GAS7: variants seen among roughly 807,000 people sequenced by gnomAD.
GAS7 encodes growth arrest-specific protein 7.
Under a neutral mutation model 71.1 loss-of-function variants are expected in GAS7, and 28 were observed. The observed-to-expected ratio is 0.39, with a 90% CI of 0.29 to 0.54. GAS7 has a LOEUF of 0.54. Among genes scored for constraint, GAS7 ranks in the 20% least tolerant of loss-of-function variants. The pLI is 0.62. For synonymous variants in GAS7, 258 were observed against 245.8 expected, an observed-to-expected ratio of 1.05 and a Z score of -0.46; for missense variants, 436 against 627.8, an observed-to-expected ratio of 0.69 and a Z score of 3.27.
intron 3 of GAS7, among the ~76,000 whole-genome samples, chr17:9,971,059 T>C (rs2069940409): frequency 6.6e-6 from 1 of 152,012 alleles, no homozygotes. Context: ...AAAGCGATAA[T>C]AGCAAAAGTT....
At chr17:10,009,047 G>A (rs1278642751) in intron 2 of GAS7, among the ~76,000 whole-genome samples, 2 of 152,046 alleles carry the variant, frequency 1.3e-5, no homozygotes, top group Non-Finnish European at 2.9e-5. Context: ...GGGGCCGGGC[G>A]CGGTGGCTCA....
chr17:10,141,175 C>A (rs931042852), intron 1 of GAS7, among the ~76,000 whole-genome samples: 1 of 152,192 alleles, frequency 6.6e-6, no homozygotes, highest in Non-Finnish European at 1.5e-5. Flanking sequence ...AGGGGCCGGG[C>A]GCGGTGGCTC....
intron 1 of GAS7, among the ~76,000 whole-genome samples, chr17:10,123,402 T>G (rs2142078706): frequency 6.6e-6 from 1 of 152,222 alleles, no homozygotes; most frequent in Non-Finnish European, 1.5e-5. Flanking sequence ...AGCCCTACCC[T>G]AGAATCTGAA....
intron 3 of GAS7, among the ~76,000 whole-genome samples, chr17:9,980,012 G>A (rs888764426): frequency 2.0e-5 from 3 of 152,108 alleles, no homozygotes; most frequent in Non-Finnish European, 4.4e-5. Context: ...TAGGAAATCC[G>A]TCACAGCTGC....
chr17:10,003,572 G>A (rs369866070), intron 2 of GAS7, among the ~76,000 whole-genome samples: 1 of 152,108 alleles, frequency 6.6e-6, no homozygotes, highest in Non-Finnish European at 1.5e-5. Flanking sequence ...CTTGGCTTTC[G>A]ACTGACCTCA....
rs1179359478 is a variant in GAS7, at chr17:9,916,074, A to G, written c.*1154T>C. On this transcript the variant is annotated 3_prime_UTR_variant, in exon 14 of 14. Coordinates refer to ENST00000432992, the MANE Select transcript of GAS7 (RefSeq NM_201433.2). ...GGCGGGACACTGCCTGAAAGGCGAC[A>G]ACCTAGTGTGGCCACAAGAGAGTCT... The G allele has an allele frequency of 4.3e-6, 1 of 233,082 alleles. No homozygotes were observed. Among genetic ancestry groups the G allele is most frequent in the Admixed American group, 5.6e-5 (1 of 17,782 alleles). 14.4% of individuals were successfully genotyped at this position (233,082 alleles called of 1,614,324 possible).
intron 2 of GAS7, among the ~76,000 whole-genome samples, chr17:9,993,880 C>T (rs1482375305): frequency 2.0e-5 from 3 of 152,084 alleles, no homozygotes; most frequent in East Asian, 3.9e-4. Flanking sequence ...TTCTTATACA[C>T]CAATAACAGA....
chr17:10,003,117 GA>G (rs2071335494), intron 2 of GAS7, among the ~76,000 whole-genome samples: 1 of 152,364 alleles, frequency 6.6e-6, no homozygotes, highest in Non-Finnish European at 1.5e-5. Context: ...ACATGAAGCA[GA>G]AGGCTGGGGC....
chr17:10,022,076 A>G (rs1308975105), intron 1 of GAS7, among the ~76,000 whole-genome samples: 1 of 152,114 alleles, frequency 6.6e-6, no homozygotes, highest in Non-Finnish European at 1.5e-5. Context: ...TGGGCAACAT[A>G]GGAAGACTCC....
At chr17:10,170,020 C>A in intron 1 of GAS7, among the ~76,000 whole-genome samples, 1 of 152,146 alleles carries the variant, frequency 6.6e-6, no homozygotes, top group Non-Finnish European at 1.5e-5. Context: ...CAACCCATTA[C>A]CAAATCCCAT....
intron 1 of GAS7, chr17:10,059,945 A>G (rs2073201089): frequency 2.9e-6 from 1 of 346,174 alleles, no homozygotes; most frequent in South Asian, 1.2e-4. Context: ...CTTCCAGGGC[A>G]GCTGGGCCCT....
chr17:10,191,149 T>G lies in GAS7; in HGVS notation c.183+7059A>C, dbSNP rs190657874. 1.1e-4 allele frequency among the ~76,000 whole-genome samples: 16 copies of G among 151,362 alleles called. No homozygotes were observed. In the East Asian group the frequency reaches 2.9e-3, roughly 28 times the overall value. ...GAGATCACGCCATTGTACTCCAGCC[T>G]GGGCAACGAGAGCGGAACTCCGTCT... On this transcript the variant is annotated intron_variant, in intron 1 of 13. Transcript: ENST00000432992.
At chr17:9,990,741 A>G (rs756849966) in intron 2 of GAS7, among the ~76,000 whole-genome samples, 4 of 152,162 alleles carry the variant, frequency 2.6e-5, no homozygotes, top group Admixed American at 2.0e-4. Flanking sequence ...GTTCAGAGGT[A>G]ATGGGGGCCA....
chr17:10,124,313 C>G (rs1345877285), intron 1 of GAS7, among the ~76,000 whole-genome samples: 1 of 152,224 alleles, frequency 6.6e-6, no homozygotes, highest in Non-Finnish European at 1.5e-5. Context: ...TGAGGCCTGA[C>G]CAGAAACACA....
chr17:9,996,128 C>A (rs13339674), intron 2 of GAS7, among the ~76,000 whole-genome samples: 1 of 151,922 alleles, frequency 6.6e-6, no homozygotes, highest in Non-Finnish European at 1.5e-5. Context: ...TGCACACGTA[C>A]GTTTATTGTG....
Position 9,959,031 on chromosome 17 carries a change from G to A in GAS7, c.525+171C>T. 7.4e-7 allele frequency: 1 copy of A among 1,360,126 alleles called. No homozygotes were observed. Among genetic ancestry groups the A allele is most frequent in the South Asian group, 1.5e-5 (1 of 65,178 alleles). The allele number at this position is 1,360,126 out of a possible 1,614,324, so 84.3% of individuals were successfully genotyped here. ...ATGTGAAATTGACAGGAGAAGGGGA[G>A]GTGGGAGGGGCATGTGGATGGGGAA... On this transcript the variant is annotated intron_variant, in intron 5 of 13. Transcript: ENST00000432992. The surrounding 1 kb of genome is among the most constrained non-coding windows in gnomAD (Gnocchi z 5.0).
intron 1 of GAS7, among the ~76,000 whole-genome samples, chr17:10,167,905 C>A (rs138865009): frequency 9.9e-4 from 151 of 152,076 alleles, no homozygotes; most frequent in African/African-American, 3.5e-3. Flanking sequence ...TGTCATGTTG[C>A]GCAGGCTGGT....
chr17:10,001,677 G>C (rs1311369754), intron 2 of GAS7, among the ~76,000 whole-genome samples: 4 of 152,168 alleles, frequency 2.6e-5, no homozygotes, highest in Non-Finnish European at 5.9e-5. Flanking sequence ...ACATAACCAG[G>C]AAACAGCACA....
chr17:9,951,878 C>T (rs1190934785), intron 5 of GAS7, among the ~76,000 whole-genome samples: 1 of 151,856 alleles, frequency 6.6e-6, no homozygotes, highest in African/African-American at 2.4e-5. Context: ...GTCTTGTTCC[C>T]CCCAGAATCT....
Sources: gnomAD v4.1 joint callset for allele counts (sites outside exome capture counted in the v4.1 genomes callset) on GRCh38, gnomAD v4.1.1 for gene constraint, Gnocchi (gnomAD v3.1) non-coding constraint, MANE v1.5 for transcripts, NCBI Gene and HGNC (gene_info 2026-07-23, HGNC 2026-07-21) for gene names.